FHAD1: variants seen among roughly 807,000 people sequenced by gnomAD.
FHAD1 encodes forkhead-associated domain-containing protein 1.
FHAD1 carries 146 observed loss-of-function variants against 191.3 expected under a neutral mutation model. The observed-to-expected ratio is 0.76, with a 90% confidence interval of 0.67 to 0.88. FHAD1 has a LOEUF of 0.88. FHAD1 is among the 40% of genes least tolerant of loss of function. The pLI is 0.00. For synonymous variants in FHAD1, 616 were observed against 672.3 expected (o/e 0.92, Z 1.29); for missense variants, 1,635 against 1,785.8 (o/e 0.92, Z 1.52).
chr1:15,328,697 G>T (rs775188034), intron 13 of FHAD1: 8 of 318,400 alleles, frequency 2.5e-5, no homozygotes, highest in Admixed American at 4.9e-5. Context: ...CAGCCAAAAA[G>T]AAATTGTTTT....
At chr1:15,347,867 T>G (rs1446412929) in intron 18 of FHAD1, among the ~76,000 whole-genome samples, 1 of 152,266 alleles carries the variant, frequency 6.6e-6, no homozygotes, top group Non-Finnish European at 1.5e-5. Flanking sequence ...TTATCTGTTG[T>G]GAACTTGGAA....
chr1:15,272,209 G>A, intron 2 of FHAD1, 114 bp from the exon 3 acceptor site: 1 of 922,444 alleles, frequency 1.1e-6, no homozygotes, highest in Non-Finnish European at 1.7e-6. Context: ...TTTAAAATGA[G>A]GATTGTCGTG....
intron 3 of FHAD1, among the ~76,000 whole-genome samples, chr1:15,272,869 A>G (rs10803374): frequency 0.6 from 90,655 of 152,080 alleles, 27,571 homozygotes; most frequent in East Asian, 0.93. Flanking sequence ...GTAGATGAGC[A>G]CGCTGCTCCT....
At chr1:15,378,458 T>C in intron 28 of FHAD1, among the ~76,000 whole-genome samples, 1 of 152,198 alleles carries the variant, frequency 6.6e-6, no homozygotes, top group East Asian at 1.9e-4. Flanking sequence ...TGATCGAACC[T>C]GCAGCCTGGA....
At position 15,382,079 on chromosome 1, in the gene FHAD1, GGAT is replaced by G. The variant is rs1557427348; in HGVS notation, c.4078_4080del (p.Asp1360del). 1.9e-6 allele frequency: 3 copies of G among 1,552,086 alleles called. No homozygotes were observed. The highest frequency in any genetic ancestry group is 3.9e-5 in the Admixed American group (2 of 50,988). On this transcript the variant is annotated inframe_deletion, in exon 31 of 34. Transcript: ENST00000688493. ...ACCAGTCGCAGGTGGCAAAGCTGGAGGATGATATCTACAAAGAGGCCGAAGAGA... is the reference window on the plus strand; with the variant it reads ...ACCAGTCGCAGGTGGCAAAGCTGGAGGATATCTACAAAGAGGCCGAAGAGA...
chr1:15,308,960 G>A (rs983907103), intron 7 of FHAD1, among the ~76,000 whole-genome samples: 1 of 152,190 alleles, frequency 6.6e-6, no homozygotes, highest in Non-Finnish European at 1.5e-5. Flanking sequence ...TTTGGAGTGA[G>A]CCCTTGATAA....
chr1:15,332,167 C>G (rs1045395092), intron 14 of FHAD1, among the ~76,000 whole-genome samples: 1 of 152,158 alleles, frequency 6.6e-6, no homozygotes, highest in African/African-American at 2.4e-5. Context: ...GAACCTTCCC[C>G]TCATCATATA....
intron 28 of FHAD1, among the ~76,000 whole-genome samples, chr1:15,379,982 G>T (rs945113635): frequency 1.3e-5 from 2 of 152,204 alleles, no homozygotes; most frequent in African/African-American, 4.8e-5. Flanking sequence ...CCACACTGAA[G>T]TGATGCTCAC....
chr1:15,331,549 T>G, intron 14 of FHAD1, among the ~76,000 whole-genome samples: 1 of 33,618 alleles, frequency 3.0e-5, no homozygotes, highest in Admixed American at 4.2e-4. Flanking sequence ...GATGGAAGTG[T>G]GGGTGGGTGG....
chr1:15,332,237 T>G (rs1291963064), intron 14 of FHAD1, among the ~76,000 whole-genome samples: 1 of 152,152 alleles, frequency 6.6e-6, no homozygotes, highest in African/African-American at 2.4e-5. Context: ...TGAAATAAGG[T>G]AAAACATGGA....
intron 28 of FHAD1, among the ~76,000 whole-genome samples, chr1:15,380,472 CAA>C (rs1226817343): frequency 6.6e-6 from 1 of 152,178 alleles, no homozygotes; most frequent in Non-Finnish European, 1.5e-5. Context: ...AAGAACAAGA[CAA>C]GTGATGTATA....
intron 14 of FHAD1, among the ~76,000 whole-genome samples, chr1:15,333,089 A>G (rs1295286334): frequency 6.6e-6 from 1 of 152,244 alleles, no homozygotes; most frequent in Non-Finnish European, 1.5e-5. Context: ...AACTCAGGAA[A>G]AAAAGAATAG....
chr1:15,316,283 T>A lies in FHAD1; in HGVS notation c.1171-95T>A. ...TGGATGGAAACAGCAGGAAATGCTC[T>A]CAGGGGCTCACATGGGGCCTTGGAG... On this transcript the variant is annotated intron_variant, in intron 8 of 33. Transcript: ENST00000688493. The surrounding 1 kb of genome is among the most constrained non-coding windows in gnomAD (Gnocchi z 4.3). 1 of 958,848 alleles carries A rather than the reference T, an allele frequency of 1.0e-6. No individual in the cohort carries two copies. The highest frequency in any genetic ancestry group is 1.6e-6 in the Non-Finnish European group (1 of 622,112). 59.4% of individuals were successfully genotyped at this position (958,848 alleles called of 1,614,324 possible). A position where few individuals can be genotyped will look rare whatever the true frequency, so the allele number is the denominator to read the frequency against.
intron 31 of FHAD1, among the ~76,000 whole-genome samples, chr1:15,385,164 GACA>G (rs1200823260): frequency 5.4e-5 from 8 of 148,088 alleles, no homozygotes; most frequent in African/African-American, 2.0e-4. Flanking sequence ...TCAAGAATTT[GACA>G]ACATCAGAGA....
At chr1:15,359,229 G>A (rs1249604978) in intron 21 of FHAD1, among the ~76,000 whole-genome samples, 1 of 152,148 alleles carries the variant, frequency 6.6e-6, no homozygotes, top group Non-Finnish European at 1.5e-5. Flanking sequence ...AAAAGCTCCC[G>A]AGATTTGGGT....
At chr1:15,278,152 C>T (rs1291973587) in intron 3 of FHAD1, among the ~76,000 whole-genome samples, 1 of 135,462 alleles carries the variant, frequency 7.4e-6, no homozygotes, top group African/African-American at 3.0e-5. Flanking sequence ...TATTGTAACA[C>T]CTCCATGCCC....
At chr1:15,300,072 G>A (rs1210774758) in intron 5 of FHAD1, among the ~76,000 whole-genome samples, 1 of 152,250 alleles carries the variant, frequency 6.6e-6, no homozygotes, top group East Asian at 1.9e-4. Flanking sequence ...TCCTCTCAAA[G>A]TAACTGATCA....
At chr1:15,239,990 A>G (rs1187008450) in intron 1 of FHAD1, among the ~76,000 whole-genome samples, 3 of 152,218 alleles carry the variant, frequency 2.0e-5, no homozygotes, top group African/African-American at 4.8e-5. Context: ...GTGGCGCCCA[A>G]TTACCTCTGG....
intron 8 of FHAD1, chr1:15,314,633 ATG>A (rs59010560): frequency 1.7e-3 from 3 of 1,772 alleles, no homozygotes; most frequent in Non-Finnish European, 1.2e-3. Flanking sequence ...GTGAGGATGT[ATG>A]TGGGTGTGTG....
Sources: allele counts gnomAD v4.1 joint callset (sites outside exome capture counted in the v4.1 genomes callset), GRCh38; gene constraint gnomAD v4.1.1; non-coding constraint Gnocchi (gnomAD v3.1); transcripts MANE v1.5; gene names NCBI Gene and HGNC (gene_info 2026-07-23, HGNC 2026-07-21).